Variants in TLN2 observed in about 807,000 individuals in gnomAD.
The protein encoded by TLN2 is talin 2.
A neutral mutation model predicts 294.7 loss-of-function variants in TLN2; 118 were observed. The observed-to-expected ratio is 0.40, with a 90% CI of 0.34 to 0.47. TLN2 has a LOEUF of 0.47. Among genes scored for constraint, TLN2 ranks in the 20% least tolerant of loss-of-function variants. TLN2 has a pLI of 0.84. For synonymous variants in TLN2, 1,431 were observed against 1,304.5 expected (o/e 1.10, Z -2.09); for missense variants, 3,083 against 3,282.2 (o/e 0.94, Z 1.48).
chr15:62,687,083 T>C (rs1245449671), intron 12 of TLN2, among the ~76,000 whole-genome samples: 4 of 152,186 alleles, frequency 2.6e-5, no homozygotes, highest in Non-Finnish European at 5.9e-5. Flanking sequence ...TGATTCTCAG[T>C]TCTGTGTTCC....
rs1163574889 is a variant in TLN2 at position 62,841,473 on chromosome 15, T to C, written c.*863T>C. 1 of 152,090 alleles carries C rather than the reference T, an allele frequency of 6.6e-6. No homozygotes were observed. The highest frequency in any genetic ancestry group is 1.5e-5 in the Non-Finnish European group (1 of 68,018). The allele number at this position is 152,090 out of a possible 1,614,324, so 9.4% of individuals were successfully genotyped here. A position where few individuals can be genotyped will look rare whatever the true frequency, so the allele number is the denominator to read the frequency against. On this transcript the variant is annotated 3_prime_UTR_variant, in exon 59 of 59. Coordinates refer to ENST00000636159, the MANE Select transcript of TLN2 (RefSeq NM_015059.3). ...GGGGATTCTGCTGGAATAAAGAGCT[T>C]CCTCAGTGACTCATCTTTAGGTCCC...
intron 3 of TLN2, among the ~76,000 whole-genome samples, chr15:62,630,305 C>G (rs1305358083): frequency 1.3e-5 from 2 of 152,138 alleles, no homozygotes; most frequent in Admixed American, 1.3e-4. Flanking sequence ...AGGTACTTAC[C>G]TTCCTTAAAA....
chr15:62,825,831 T>TTATA (rs2068098021), intron 54 of TLN2, among the ~76,000 whole-genome samples: 2 of 5,922 alleles, frequency 3.4e-4, no homozygotes, highest in South Asian at 8.1e-3. Context: ...TATATTATAA[T>TTATA]ATATAATATA....
intron 1 of TLN2, among the ~76,000 whole-genome samples, chr15:62,582,195 T>TACACACACAAACACACAC (rs2045117376): frequency 3.0e-5 from 2 of 66,474 alleles, no homozygotes; most frequent in African/African-American, 1.1e-4. Context: ...TGTGTATGCA[T>TACACACACAAACACACAC]ACACACACAC....
chr15:62,712,060 A>T lies in TLN2; in HGVS notation c.2617A>T (p.Met873Leu). 1 of 1,614,104 alleles carries T rather than the reference A, an allele frequency of 6.2e-7. No homozygotes were observed. ...AKLLADSTAR[M>L]VEAAKGAAAN... ...ACTCTTAGCTGACTCCACTGCTCGC[A>T]TGGTGGAAGCTGCAAAGGTATTCTA... The change falls in exon 22 of 59, where the codon ATG becomes TTG. Residue 873 changes from methionine (M) to leucine (L), a missense_variant. Met to Leu is a conservative substitution (Grantham distance 15). Transcript: ENST00000636159.
At chr15:62,400,886 G>T (rs2032968006) in intron 1 of TLN2, among the ~76,000 whole-genome samples, 1 of 149,376 alleles carries the variant, frequency 6.7e-6, no homozygotes, top group African/African-American at 2.5e-5. Context: ...TGCAATCTGG[G>T]CTCACTGCAG....
intron 3 of TLN2, among the ~76,000 whole-genome samples, chr15:62,624,883 C>T (rs778942774): frequency 1.3e-5 from 2 of 152,224 alleles, no homozygotes; most frequent in African/African-American, 2.4e-5. Context: ...CAGCTAAGAA[C>T]GATTAAGCCT....
intron 1 of TLN2, among the ~76,000 whole-genome samples, chr15:62,545,514 TTGTGTG>T (rs56777565): frequency 6.9e-5 from 10 of 145,942 alleles, no homozygotes; most frequent in African/African-American, 1.0e-4. Flanking sequence ...TTCTTTCTCT[TTGTGTG>T]TGTGTGTGTG....
At chr15:62,531,238 C>T (rs1195345095) in intron 1 of TLN2, among the ~76,000 whole-genome samples, 1 of 152,168 alleles carries the variant, frequency 6.6e-6, no homozygotes, top group Non-Finnish European at 1.5e-5. Flanking sequence ...GAATACTATT[C>T]AGCCTTAAAA....
chr15:62,736,915 A>C lies in TLN2; in HGVS notation c.3396A>C (p.Thr1132=). 1.9e-6 allele frequency: 3 copies of C among 1,614,186 alleles called. No homozygotes were observed. In the African/African-American group the frequency reaches 4.0e-5, roughly 22 times the overall value. ...AARETAQALK[T]LAQAARGVAA... is the part of the protein sequence containing the mutation. The stretch of plus-strand genomic sequence containing the variant: ...GAGAGACGGCCCAAGCTCTGAAAAC[A>C]CTGGCCCAGGCCGCCCGTGGAGTGG... Residue 1132 remains threonine (T), a synonymous_variant, in exon 29 of 59, where the codon ACA becomes ACC. Coordinates refer to ENST00000636159, the MANE Select transcript of TLN2 (RefSeq NM_015059.3).
In TLN2 at chr15:62,711,983, C is replaced by T. The variant is rs1375563531; in HGVS notation, c.2540C>T (p.Ala847Val). 1.2e-6 allele frequency: 2 copies of T among 1,614,080 alleles called. No homozygotes were observed. The highest frequency in any genetic ancestry group is 1.7e-6 in the Non-Finnish European group (2 of 1,180,042). ...CTCGTCAATGCCATGAGGTCAGATG[C>T]AGAAGCCGAAATCGACATGGAGAAT... Reference protein sequence around the residue: ...SDLVNAMRSDAEAEIDMENSK... With the variant: ...SDLVNAMRSDVEAEIDMENSK... The change falls in exon 22 of 59, where the codon GCA becomes GTA. Residue 847 changes from alanine (A) to valine (V), a missense_variant. Physicochemically the swap from Ala to Val is moderately conservative, Grantham distance 64 (BLOSUM62 0). Coordinates refer to ENST00000636159, the MANE Select transcript of TLN2 (RefSeq NM_015059.3).
chr15:62,469,578 A>G (rs1268726317), intron 1 of TLN2, among the ~76,000 whole-genome samples: 2 of 152,168 alleles, frequency 1.3e-5, no homozygotes, highest in African/African-American at 4.8e-5. Flanking sequence ...GAGCAATGTG[A>G]CTGAATACTT....
chr15:62,670,145 A>G (rs560736989), intron 9 of TLN2, among the ~76,000 whole-genome samples: 1 of 152,286 alleles, frequency 6.6e-6, no homozygotes, highest in East Asian at 1.9e-4. Context: ...TTGCTCTGAG[A>G]GGGCTTGACA....
intron 1 of TLN2, among the ~76,000 whole-genome samples, chr15:62,518,256 G>C (rs7177690): frequency 0.5 from 76,006 of 151,972 alleles, 20,162 homozygotes; most frequent in African/African-American, 0.68. Context: ...TCAGGCCGGT[G>C]TTGAACTCCT....
At chr15:62,554,315 A>G (rs940494848) in intron 1 of TLN2, among the ~76,000 whole-genome samples, 3 of 149,606 alleles carry the variant, frequency 2.0e-5, no homozygotes, top group Non-Finnish European at 4.4e-5. Flanking sequence ...ATTTCCGTAG[A>G]TAAAGATTTC....
At chr15:62,599,947 C>T (rs1182309180) in intron 2 of TLN2, among the ~76,000 whole-genome samples, 1 of 151,920 alleles carries the variant, frequency 6.6e-6, no homozygotes, top group East Asian at 1.9e-4. Context: ...GGGCGTTGTT[C>T]TGTTGTGTTT....
rs145162421 is a variant in TLN2 at position 62,623,258 on chromosome 15, T to C, written c.-37+4783T>C. On this transcript the variant is annotated intron_variant, in intron 3 of 58. Transcript: ENST00000636159. ...TGTGTTTATAGAAAGTGTAGCACTT[T>C]AGAATTATTCTTCAGATGATTGTCT... Among the ~76,000 whole-genome samples, 7 of 152,374 alleles carry C rather than the reference T, an allele frequency of 4.6e-5. No individual in the cohort carries two copies. In the East Asian group the frequency reaches 1.3e-3, roughly 29 times the overall value.
At position 62,825,726 on chromosome 15, in the gene TLN2, A is replaced by AT. The variant is rs1491553754; in HGVS notation, c.7002+5116_7002+5117insT. On this transcript the variant is annotated intron_variant, in intron 54 of 58. Transcript: ENST00000636159. ...TATATATATAAATATAAATATATAT[A>AT]AAAATATATTTTTATATATATTAAA... Among the ~76,000 whole-genome samples, 83 of 117,594 alleles carry AT rather than the reference A, an allele frequency of 7.1e-4. 5 individuals carry two copies. Among genetic ancestry groups the AT allele is most frequent in the Middle Eastern group, 3.9e-3 (1 of 256 alleles). The allele number at this position is 117,594 out of a possible 152,430, so 77.1% of individuals were successfully genotyped here.
chr15:62,820,462 C>A, intron 53 of TLN2, 24 bp from the exon 54 acceptor site: 2 of 1,612,222 alleles, frequency 1.2e-6, no homozygotes, highest in South Asian at 2.2e-5. Context: ...TATGAAGAAT[C>A]ACCTTCTTTT....
Sources: allele counts gnomAD v4.1 joint callset (sites outside exome capture counted in the v4.1 genomes callset), GRCh38; gene constraint gnomAD v4.1.1; transcripts MANE v1.5; gene names NCBI Gene and HGNC (gene_info 2026-07-23, HGNC 2026-07-21).